EYA2: variants seen among roughly 807,000 people sequenced by gnomAD.
The protein encoded by EYA2 is protein phosphatase EYA2.
Under a neutral mutation model 69.2 loss-of-function variants are expected in EYA2, and 31 were observed. The observed-to-expected ratio is 0.45, with a 90% CI of 0.34 to 0.60. EYA2 has a LOEUF of 0.60. Among genes scored for constraint, EYA2 ranks in the 20% least tolerant of loss-of-function variants. The pLI is 0.02. For synonymous variants in EYA2, 257 were observed against 279.4 expected (o/e 0.92, Z 0.80); for missense variants, 622 against 701.2 (o/e 0.89, Z 1.28).
intron 11 of EYA2, among the ~76,000 whole-genome samples, chr20:47,171,850 G>A (rs1328864423): frequency 6.6e-6 from 1 of 152,144 alleles, no homozygotes; most frequent in Non-Finnish European, 1.5e-5. Context: ...CCAGCACTTT[G>A]GGAGCCCAAG....
At chr20:47,175,301 A>G (rs187469376) in intron 12 of EYA2, among the ~76,000 whole-genome samples, 6 of 152,336 alleles carry the variant, frequency 3.9e-5, no homozygotes, top group Admixed American at 6.5e-5. Context: ...TCTGCAAAAT[A>G]CAGAATAGAG....
At chr20:47,013,263 G>C (rs1158369451) in intron 4 of EYA2, among the ~76,000 whole-genome samples, 1 of 152,158 alleles carries the variant, frequency 6.6e-6, no homozygotes, top group Non-Finnish European at 1.5e-5. Flanking sequence ...TGCCAGGCAG[G>C]AGAACTGCAT....
chr20:47,118,227 A>G (rs2032955954), intron 9 of EYA2, among the ~76,000 whole-genome samples: 1 of 152,232 alleles, frequency 6.6e-6, no homozygotes, highest in African/African-American at 2.4e-5. Context: ...TTGTATTTAA[A>G]TCTCTCTTCC....
At chr20:46,969,957 A>T (rs967544847) in intron 1 of EYA2, among the ~76,000 whole-genome samples, 3 of 152,198 alleles carry the variant, frequency 2.0e-5, no homozygotes, top group African/African-American at 7.2e-5. Context: ...TAATCCTATA[A>T]TTAAAAGTGT....
chr20:47,148,355 A>G (rs2033750994), intron 10 of EYA2, among the ~76,000 whole-genome samples: 1 of 152,156 alleles, frequency 6.6e-6, no homozygotes, highest in Non-Finnish European at 1.5e-5. Context: ...TACCTGCCCA[A>G]TGTGGGGGCC....
chr20:47,007,293 A>G (rs913773477), intron 4 of EYA2, among the ~76,000 whole-genome samples: 2 of 152,188 alleles, frequency 1.3e-5, no homozygotes, highest in Non-Finnish European at 2.9e-5. Context: ...GGAAGCAAAG[A>G]CTTGTTTTAG....
intron 1 of EYA2, among the ~76,000 whole-genome samples, chr20:46,947,266 G>T (rs987922239): frequency 1.3e-5 from 2 of 151,688 alleles, no homozygotes; most frequent in Non-Finnish European, 2.9e-5. Context: ...AAATATTTTA[G>T]ATGTTATTCT....
intron 9 of EYA2, among the ~76,000 whole-genome samples, chr20:47,128,430 T>C (rs969536555): frequency 6.6e-6 from 1 of 152,172 alleles, no homozygotes; most frequent in Non-Finnish European, 1.5e-5. Context: ...AGGTGGCAGC[T>C]GCCTGCCGTT....
At chr20:47,105,968 A>G (rs1404550397) in intron 9 of EYA2, among the ~76,000 whole-genome samples, 2 of 152,224 alleles carry the variant, frequency 1.3e-5, no homozygotes, top group Non-Finnish European at 2.9e-5. Context: ...GTTTCCAATC[A>G]GCCCCTGACT....
intron 1 of EYA2, among the ~76,000 whole-genome samples, chr20:46,982,627 A>C (rs1980908915): frequency 6.6e-6 from 1 of 151,884 alleles, no homozygotes; most frequent in Non-Finnish European, 1.5e-5. Flanking sequence ...TGCTCTTTTA[A>C]ACCTGTTTTT....
intron 1 of EYA2, among the ~76,000 whole-genome samples, chr20:46,920,337 T>C (rs1985125376): frequency 6.6e-6 from 1 of 152,172 alleles, no homozygotes. Flanking sequence ...GCCCACGATA[T>C]CTCCAAGGTG....
chr20:47,118,053 C>T (rs1431169653), intron 9 of EYA2, among the ~76,000 whole-genome samples: 2 of 152,312 alleles, frequency 1.3e-5, no homozygotes, highest in South Asian at 2.1e-4. Context: ...GGAGAGGAAG[C>T]CCTGCCCAAG....
intron 1 of EYA2, among the ~76,000 whole-genome samples, chr20:46,971,341 G>A (rs55725507): frequency 0.032 from 4,917 of 152,234 alleles, 167 homozygotes; most frequent in African/African-American, 0.085. Context: ...TCATCCTTAA[G>A]GTGCTGCTCT....
At chr20:47,173,028 A>G (rs1346445996) in intron 12 of EYA2, among the ~76,000 whole-genome samples, 161 bp downstream of exon 12, 1 of 152,052 alleles carries the variant, frequency 6.6e-6, no homozygotes, top group African/African-American at 2.4e-5. Context: ...GAGCACTGGG[A>G]TTTTGTCACC....
intron 4 of EYA2, among the ~76,000 whole-genome samples, chr20:47,010,477 C>T (rs938712526): frequency 6.6e-6 from 1 of 152,050 alleles, no homozygotes; most frequent in East Asian, 1.9e-4. Context: ...TGCTGAGTCT[C>T]AAGAACTACT....
chr20:47,081,848 T>G (rs1438294269), intron 7 of EYA2, among the ~76,000 whole-genome samples: 1 of 151,288 alleles, frequency 6.6e-6, no homozygotes, highest in Non-Finnish European at 1.5e-5. Context: ...TTGCCTATTA[T>G]TATTATTTTG....
chr20:47,096,258 G>A (rs1296853558), intron 8 of EYA2, among the ~76,000 whole-genome samples: 1 of 152,080 alleles, frequency 6.6e-6, no homozygotes, highest in Non-Finnish European at 1.5e-5. Flanking sequence ...CATATTACTT[G>A]GCTCTGTAGT....
chr20:47,027,292 C>G (rs1984148852), intron 5 of EYA2, among the ~76,000 whole-genome samples: 1 of 152,218 alleles, frequency 6.6e-6, no homozygotes, highest in African/African-American at 2.4e-5. Context: ...CTAAATCTTC[C>G]TGATCTCACT....
At chr20:47,004,457 T>C (rs1295637686) in intron 3 of EYA2, among the ~76,000 whole-genome samples, 2 of 145,192 alleles carry the variant, frequency 1.4e-5, no homozygotes, top group African/African-American at 5.1e-5. Flanking sequence ...AACCTCGACA[T>C]CTCAGTGGCT....
Sources: allele counts gnomAD v4.1 joint callset (sites outside exome capture counted in the v4.1 genomes callset), GRCh38; gene constraint gnomAD v4.1.1; transcripts MANE v1.5; gene names NCBI Gene and HGNC (gene_info 2026-07-23, HGNC 2026-07-21).